PPM1E: variants seen among roughly 807,000 people sequenced by gnomAD.
PPM1E encodes the protein protein phosphatase 1E.
Under a neutral mutation model 65.9 loss-of-function variants are expected in PPM1E, and 20 were observed. That is an observed-to-expected ratio of 0.30 (90% CI 0.21 to 0.44). The LOEUF is 0.44. PPM1E is among the 20% of genes least tolerant of loss of function. The pLI is 1.00. For missense variants in PPM1E, 713 were observed against 953.1 expected, an observed-to-expected ratio of 0.75 and a Z score of 3.32; for synonymous variants, 352 against 374.9, an observed-to-expected ratio of 0.94 and a Z score of 0.70.
chr17:58,803,477 A>G (rs1009791492), intron 1 of PPM1E, among the ~76,000 whole-genome samples: 14 of 152,170 alleles, frequency 9.2e-5, no homozygotes, highest in African/African-American at 3.4e-4. Flanking sequence ...AATTTGGTTT[A>G]CTGAAATTTT....
chr17:58,838,060 A>G (rs1368535145), intron 1 of PPM1E, among the ~76,000 whole-genome samples: 7 of 152,378 alleles, frequency 4.6e-5, no homozygotes, highest in Non-Finnish European at 1.0e-4. Flanking sequence ...AAAATAGATC[A>G]TACACATAAA....
At chr17:58,912,493 T>A (rs1404699799) in intron 1 of PPM1E, among the ~76,000 whole-genome samples, 1 of 152,174 alleles carries the variant, frequency 6.6e-6, no homozygotes, top group Non-Finnish European at 1.5e-5. Context: ...GTTTGAGGAA[T>A]AACAAGGAGG....
At chr17:58,912,180 T>G (rs1167762220) in intron 1 of PPM1E, among the ~76,000 whole-genome samples, 1 of 152,004 alleles carries the variant, frequency 6.6e-6, no homozygotes, top group Non-Finnish European at 1.5e-5. Flanking sequence ...CAAGGTATGT[T>G]CGGATATGTC....
rs376168631 is a variant in PPM1E at position 58,784,610 on chromosome 17, C to T, written c.464+28149C>T. ...CACCATCTTGGCTCACTGCAGTCTC[C>T]GCCTCCCGGGTTCAAGCAATGCTCC... On this transcript the variant is annotated intron_variant, in intron 1 of 6. Coordinates refer to ENST00000308249, the MANE Select transcript of PPM1E (RefSeq NM_014906.5). Among the ~76,000 whole-genome samples the T allele has an allele frequency of 5.8e-4, 88 of 151,552 alleles. 2 individuals are homozygous for T. The Middle Eastern group carries it at 0.017, about 29-fold the overall frequency.
At chr17:58,876,246 G>C (rs1342637838) in intron 1 of PPM1E, among the ~76,000 whole-genome samples, 1 of 152,038 alleles carries the variant, frequency 6.6e-6, no homozygotes, top group Non-Finnish European at 1.5e-5. Context: ...TAAAACTTTT[G>C]TGAGCTTGAT....
At chr17:58,817,247 G>A (rs1744035332) in intron 1 of PPM1E, among the ~76,000 whole-genome samples, 1 of 152,116 alleles carries the variant, frequency 6.6e-6, no homozygotes, top group Admixed American at 6.6e-5. Flanking sequence ...CAAAGTATCT[G>A]TTGAGTCCCT....
rs138350723 is a variant in PPM1E at position 58,890,649 on chromosome 17, A to G, written c.465-65000A>G. On this transcript the variant is annotated intron_variant, in intron 1 of 6. Coordinates refer to ENST00000308249, the MANE Select transcript of PPM1E (RefSeq NM_014906.5). ...TGTGTGTATATAAACATACACACAT[A>G]TATATATATACATGAATGTTTTTTC... Among the ~76,000 whole-genome samples, 1,073 of 151,998 alleles carry G rather than the reference A, an allele frequency of 7.1e-3. 3 individuals carry two copies. The highest frequency in any genetic ancestry group is 0.021 in the Middle Eastern group (6 of 290).
At chr17:58,950,176 A>G in intron 1 of PPM1E, among the ~76,000 whole-genome samples, 1 of 149,800 alleles carries the variant, frequency 6.7e-6, no homozygotes, top group African/African-American at 2.5e-5. Flanking sequence ...AGCCTGACCA[A>G]CATGGTGAAA....
intron 1 of PPM1E, among the ~76,000 whole-genome samples, chr17:58,765,179 C>CTTTTTTTTT: frequency 7.6e-6 from 1 of 132,154 alleles, no homozygotes; most frequent in Non-Finnish European, 1.6e-5. Flanking sequence ...TTCTTTCTTT[C>CTTTTTTTTT]TTTTTTTTTT....
intron 1 of PPM1E, among the ~76,000 whole-genome samples, chr17:58,937,023 G>A (rs561171053): frequency 1.3e-5 from 2 of 152,026 alleles, no homozygotes; most frequent in African/African-American, 2.4e-5. Context: ...AAGGCCGGGC[G>A]CGGTGGCTCA....
intron 1 of PPM1E, among the ~76,000 whole-genome samples, chr17:58,929,980 A>G (rs1307997114): frequency 6.6e-6 from 1 of 152,136 alleles, no homozygotes; most frequent in African/African-American, 2.4e-5. Context: ...ATTATTTTCA[A>G]TATCAGAAAT....
At chr17:58,757,820 T>TTAAAA in intron 1 of PPM1E, among the ~76,000 whole-genome samples, 1 of 152,176 alleles carries the variant, frequency 6.6e-6, no homozygotes, top group African/African-American at 2.4e-5. Flanking sequence ...AATTACAGTA[T>TTAAAA]TACCGTCAAT....
chr17:58,923,364 A>G (rs1432434013), intron 1 of PPM1E, among the ~76,000 whole-genome samples: 1 of 151,894 alleles, frequency 6.6e-6, no homozygotes, highest in Non-Finnish European at 1.5e-5. Context: ...TATTATCCCA[A>G]AGCTTTGGGA....
At chr17:58,827,518 A>C (rs1045789896) in intron 1 of PPM1E, among the ~76,000 whole-genome samples, 3 of 152,160 alleles carry the variant, frequency 2.0e-5, no homozygotes, top group Admixed American at 2.0e-4. Context: ...CCTGGTTATA[A>C]TCTTTTAAGC....
intron 1 of PPM1E, among the ~76,000 whole-genome samples, chr17:58,913,604 G>C (rs2051653145): frequency 6.6e-6 from 1 of 152,166 alleles, no homozygotes; most frequent in African/African-American, 2.4e-5. Context: ...AAAATTCAGA[G>C]ATTAGGGTTT....
intron 1 of PPM1E, among the ~76,000 whole-genome samples, chr17:58,866,089 G>A (rs982027399): frequency 6.6e-6 from 1 of 152,168 alleles, no homozygotes; most frequent in African/African-American, 2.4e-5. Flanking sequence ...TTCACAAAGA[G>A]TGTCTAAATA....
At chr17:58,920,112 T>A (rs2143530720) in intron 1 of PPM1E, among the ~76,000 whole-genome samples, 1 of 152,316 alleles carries the variant, frequency 6.6e-6, no homozygotes, top group South Asian at 2.1e-4. Context: ...GGATTTGGGA[T>A]GTGAGATAAA....
chr17:58,980,622 G>C lies in PPM1E; in HGVS notation c.1859G>C (p.Trp620Ser). Residue 620 changes from tryptophan to serine, a missense_variant, in exon 7 of 7, where the codon TGG (tryptophan) becomes TCG (serine). By Grantham distance (177) the Trp-to-Ser change is radical (BLOSUM62 -3). Around this residue, in one of 6 missense-constraint regions of PPM1E, gnomAD observed 286 missense variants for 313.8 expected, o/e 0.91. Transcript: ENST00000308249. The surrounding 1 kb of genome is among the most constrained non-coding windows in gnomAD (Gnocchi z 4.7). The stretch of plus-strand genomic sequence containing the variant: ...TCAGTTCAGTCATCATTGCCTGAAT[G>C]GAGTGGTGCTGGAGAGTTTCCCACT... ...KKSVQSSLPE[W>S]SGAGEFPTAF... 1 of 1,614,208 alleles carries C rather than the reference G, an allele frequency of 6.2e-7. No homozygotes were observed. The highest frequency in any genetic ancestry group is 8.5e-7 in the Non-Finnish European group (1 of 1,180,032).
intron 1 of PPM1E, among the ~76,000 whole-genome samples, chr17:58,767,060 A>G (rs1340118388): frequency 6.6e-6 from 1 of 152,148 alleles, no homozygotes; most frequent in African/African-American, 2.4e-5. Context: ...TCTTGGATTG[A>G]TAAGTATCTT....
Sources: gnomAD v4.1 joint callset for allele counts (sites outside exome capture counted in the v4.1 genomes callset) on GRCh38, gnomAD v4.1.1 for gene constraint, gnomAD v4.1.1 regional missense constraint, Gnocchi (gnomAD v3.1) non-coding constraint, MANE v1.5 for transcripts, NCBI Gene and HGNC (gene_info 2026-07-23, HGNC 2026-07-21) for gene names.